The following ARMC9 variants were observed in gnomAD, a reference collection of about 807,000 sequenced individuals.
The protein encoded by ARMC9 is armadillo repeat containing 9.
Under a neutral mutation model 107.0 loss-of-function variants are expected in ARMC9, and 94 were observed. That is an observed-to-expected ratio of 0.88 (90% confidence interval 0.74 to 1.04). The LOEUF (loss-of-function observed/expected upper bound fraction) is 1.04. ARMC9 is among the 50% of genes least tolerant of loss of function. The pLI, the probability that ARMC9 is intolerant of heterozygous loss-of-function variation, is 0.00. For missense variants in ARMC9, 942 were observed against 1,030.1 expected (o/e 0.91, Z 1.17); for synonymous variants, 380 against 396.9 (o/e 0.96, Z 0.51).
At chr2:231,296,056 A>C (rs2041341538) in intron 18 of ARMC9, 142 bp from the exon 19 acceptor site, 1 of 515,742 alleles carries the variant, frequency 1.9e-6, no homozygotes, top group Admixed American at 3.6e-5. Flanking sequence ...AATGGTTGTG[A>C]TTAGGATGGT....
At chr2:231,239,135 G>A (rs535963873) in intron 8 of ARMC9, among the ~76,000 whole-genome samples, 4 of 152,174 alleles carry the variant, frequency 2.6e-5, no homozygotes, top group Non-Finnish European at 5.9e-5. Flanking sequence ...GTCATTATCC[G>A]CAGGGATTGG....
At chr2:231,333,920 A>G (rs188958218) in intron 20 of ARMC9, among the ~76,000 whole-genome samples, 2 of 152,392 alleles carry the variant, frequency 1.3e-5, no homozygotes, top group East Asian at 3.9e-4. Flanking sequence ...TATGGTAAAC[A>G]TCTTCAGTAA....
At chr2:231,329,805 A>C (rs1575104177) in intron 19 of ARMC9, among the ~76,000 whole-genome samples, 1 of 151,962 alleles carries the variant, frequency 6.6e-6, no homozygotes, top group Non-Finnish European at 1.5e-5. Context: ...TTTTGAATTC[A>C]TTACTTCTAG....
At chr2:231,207,789 A>AT (rs956380678) in intron 2 of ARMC9, among the ~76,000 whole-genome samples, 2 of 152,122 alleles carry the variant, frequency 1.3e-5, no homozygotes, top group East Asian at 1.9e-4. Flanking sequence ...TTCTATTTTT[A>AT]TTTTTTTGAG....
chr2:231,333,736 C>T (rs576003631), intron 20 of ARMC9, among the ~76,000 whole-genome samples: 3 of 152,138 alleles, frequency 2.0e-5, no homozygotes, highest in East Asian at 1.9e-4. Context: ...CTGTTGAGAC[C>T]GCGACGCATG....
chr2:231,357,268 C>T (rs2045381312), intron 22 of ARMC9, among the ~76,000 whole-genome samples: 1 of 152,280 alleles, frequency 6.6e-6, no homozygotes, highest in East Asian at 1.9e-4. Flanking sequence ...GTGCTTCTTC[C>T]TAGGGAGGCA....
At position 231,331,853 on chromosome 2, in the gene ARMC9, GGAGAACTCTCAGGAGA is replaced by G; in HGVS notation, c.1837_1852del (p.Glu613SerfsTer3). 6.2e-7 allele frequency: 1 copy of G among 1,613,978 alleles called. No individual in the cohort carries two copies. The highest frequency in any genetic ancestry group is 8.5e-7 in the Non-Finnish European group (1 of 1,179,924). ...AGACGAACTGATCCAGCCCCAGCTC[GGAGAACTCTCAGGAGA>G]GAAGCTTCTGACCACGGAGTACCTG... is the stretch of plus-strand genomic sequence containing the variant. On this transcript the variant is annotated frameshift_variant, in exon 20 of 25. Coordinates refer to ENST00000611582, the MANE Select transcript of ARMC9 (RefSeq NM_001352754.2). LOFTEE classifies it high-confidence loss of function.
At chr2:231,235,449 G>T in intron 8 of ARMC9, 68 bp downstream of exon 8, 1 of 1,543,600 alleles carries the variant, frequency 6.5e-7, no homozygotes, top group Non-Finnish European at 8.8e-7. Flanking sequence ...CATGGACTAT[G>T]TTGATATGGC....
intron 20 of ARMC9, among the ~76,000 whole-genome samples, chr2:231,335,554 C>T (rs1216492835): frequency 1.3e-5 from 2 of 152,152 alleles, no homozygotes; most frequent in African/African-American, 2.4e-5. Flanking sequence ...AAGAGCACGG[C>T]GATCTCAGAA....
intron 9 of ARMC9, among the ~76,000 whole-genome samples, chr2:231,252,803 A>ATTTTTT (rs34618597): frequency 1.5e-5 from 2 of 134,208 alleles, no homozygotes; most frequent in African/African-American, 2.8e-5. Flanking sequence ...CAACCCCCTA[A>ATTTTTT]TTTTTTTTTT....
chr2:231,246,576 G>A (rs1049192802), intron 9 of ARMC9, among the ~76,000 whole-genome samples: 13 of 152,108 alleles, frequency 8.5e-5, no homozygotes, highest in African/African-American at 3.1e-4. Flanking sequence ...TTGTATATGT[G>A]TACCACATTT....
At chr2:231,265,096 C>CAA (rs202052844) in intron 12 of ARMC9, among the ~76,000 whole-genome samples, 66 of 140,386 alleles carry the variant, frequency 4.7e-4, no homozygotes, top group Admixed American at 5.7e-4. Flanking sequence ...GACTGCGTCT[C>CAA]AAAAAAAAAA....
chr2:231,198,812 A>G (rs1048586744), intron 1 of ARMC9, 114 bp downstream of exon 1: 5 of 152,534 alleles, frequency 3.3e-5, no homozygotes, highest in African/African-American at 1.2e-4. Context: ...TTCCGAGGAA[A>G]AACCCGACGC....
intron 19 of ARMC9, among the ~76,000 whole-genome samples, chr2:231,304,804 C>T (rs1575018250): frequency 6.6e-6 from 1 of 152,262 alleles, no homozygotes; most frequent in Non-Finnish European, 1.5e-5. Flanking sequence ...CTCACAATGG[C>T]AGATATAGGT....
intron 5 of ARMC9, among the ~76,000 whole-genome samples, chr2:231,221,666 C>CAA (rs535605605): frequency 1.8e-4 from 24 of 134,572 alleles, no homozygotes; most frequent in African/African-American, 4.4e-4. Flanking sequence ...CCGTCTCTAC[C>CAA]AAAAAAAAAA....
At chr2:231,276,883 C>G in intron 15 of ARMC9, 108 bp downstream of exon 15, 1 of 1,421,734 alleles carries the variant, frequency 7.0e-7, no homozygotes, top group Non-Finnish European at 9.4e-7. Context: ...TCATAGAAAA[C>G]TAAAAACAGA....
rs189491398 is a variant in ARMC9 at position 231,354,255 on chromosome 2, T to C, written c.1995-1543T>C. 6.8e-3 allele frequency among the ~76,000 whole-genome samples: 757 copies of C among 111,618 alleles called. 14 individuals are homozygous for C. The highest frequency in any genetic ancestry group is 0.027 in the African/African-American group (732 of 26,758). The allele number at this position is 111,618 out of a possible 152,430, so 73.2% of individuals were successfully genotyped here. ...ACCAGCCAAGTCAACACAGACCTCA[T>C]CTCCATTTAAAAAAAAAAAAAAAAA... On this transcript the variant is annotated intron_variant, in intron 21 of 24. Transcript: ENST00000611582.
intron 12 of ARMC9, among the ~76,000 whole-genome samples, chr2:231,264,589 C>T (rs2038684849): frequency 6.6e-6 from 1 of 152,054 alleles, no homozygotes; most frequent in South Asian, 2.1e-4. Flanking sequence ...CCTCCACCTC[C>T]TGGGTTCGAG....
chr2:231,278,759 A>G (rs1360010939), intron 16 of ARMC9, among the ~76,000 whole-genome samples: 1 of 152,044 alleles, frequency 6.6e-6, no homozygotes, highest in Non-Finnish European at 1.5e-5. Flanking sequence ...CCCACATGCC[A>G]TTCCCTTGGT....
Sources: allele counts gnomAD v4.1 joint callset (sites outside exome capture counted in the v4.1 genomes callset), GRCh38; gene constraint gnomAD v4.1.1; transcripts MANE v1.5; gene names NCBI Gene and HGNC (gene_info 2026-07-23, HGNC 2026-07-21).